The following BEST3 variants were observed in gnomAD, a reference collection of about 807,000 sequenced individuals.
BEST3 encodes the protein bestrophin 3, also known as bestrophin-3.
In BEST3, 50 loss-of-function variants were observed where a neutral mutation model predicts 47.1. The ratio of observed to expected loss-of-function variants is 1.06; its 90% CI spans 0.85 to 1.34. The LOEUF (loss-of-function observed/expected upper bound fraction) is 1.34, where lower values mean the gene tolerates loss of function less well. Ranked by LOEUF, BEST3 falls within the 40% of genes most tolerant of loss-of-function variation. BEST3 has a pLI of 0.00. For synonymous variants in BEST3, 282 were observed against 298.8 expected (o/e 0.94, Z 0.58); for missense variants, 765 against 817.0 (o/e 0.94, Z 0.78).
rs1009357030 is a variant in BEST3, at chr12:69,676,944, T to C, written c.839A>G (p.Gln280Arg). The change falls in exon 7 of 10, where the codon CAA becomes CGA. Residue 280 changes from glutamine to arginine, a missense_variant. Physicochemically the swap from Gln to Arg is conservative, Grantham distance 43. Coordinates refer to ENST00000330891, the MANE Select transcript of BEST3 (RefSeq NM_032735.3). ...DLYIPIFTLL[Q>R]FFFYAGWLKV... ...AAGCCATCCTGCATAGAAGAAGAAT[T>C]GTAGGAGGGTGAAGATGGGAATGTA... is the stretch of plus-strand genomic sequence containing the variant. 5 of 1,613,794 alleles carry C rather than the reference T, an allele frequency of 3.1e-6. No homozygotes were observed. The highest frequency in any genetic ancestry group is 4.2e-6 in the Non-Finnish European group (5 of 1,179,892).
intron 4 of BEST3, among the ~76,000 whole-genome samples, chr12:69,686,779 C>CAAAAA (rs71094728): frequency 3.0e-5 from 3 of 99,382 alleles, no homozygotes; most frequent in African/African-American, 1.5e-4. Flanking sequence ...CTCAAAAAAA[C>CAAAAA]AAAAAAAAAA....
rs1169316542 is a variant in BEST3, at chr12:69,670,354, C to A, written c.1100+1074G>T. On this transcript the variant is annotated intron_variant, in intron 9 of 9. Transcript: ENST00000330891. ...AGCAAATCTAGCCTGGAGTAGGCAA[C>A]CTTCTCTAAGATGTGCTTTGCGGGC... The A allele has an allele frequency of 6.0e-6, 4 of 665,268 alleles. No individual in the cohort carries two copies. The African/African-American group carries it at 7.1e-5, about 12-fold the overall frequency. The allele number at this position is 665,268 out of a possible 1,614,324, so 41.2% of individuals were successfully genotyped here. A position where few individuals can be genotyped will look rare whatever the true frequency, so the allele number is the denominator to read the frequency against.
downstream of BEST3, among the ~76,000 whole-genome samples, chr12:69,652,423 A>G (rs964305680): frequency 6.6e-6 from 1 of 152,146 alleles, no homozygotes; most frequent in East Asian, 1.9e-4. Flanking sequence ...TTGAGTAAAA[A>G]CTCATTTTAG....
rs1210020896 is a variant in BEST3, at chr12:69,653,969, C to T, written c.*938G>A. The T allele has an allele frequency of 1.0e-6, 1 of 985,324 alleles. No homozygotes were observed. The highest frequency in any genetic ancestry group is 1.2e-6 in the Non-Finnish European group (1 of 829,940). 61.0% of individuals were successfully genotyped at this position (985,324 alleles called of 1,614,324 possible). On this transcript the variant is annotated 3_prime_UTR_variant, in exon 10 of 10. Transcript: ENST00000330891. The stretch of plus-strand genomic sequence containing the variant: ...CTATGCAAATTTCATATTCTCTTGG[C>T]TTCGTTTTTCTCCAGTGCCCAACAC...
intron 4 of BEST3, among the ~76,000 whole-genome samples, chr12:69,686,779 C>CAAAAAAAACAAAAACA (rs1885625882): frequency 1.0e-5 from 1 of 99,382 alleles, no homozygotes; most frequent in African/African-American, 4.9e-5. Context: ...CTCAAAAAAA[C>CAAAAAAAACAAAAACA]AAAAAAAAAA....
At chr12:69,682,361 C>G (rs1187696748) in intron 4 of BEST3, among the ~76,000 whole-genome samples, 1 of 152,118 alleles carries the variant, frequency 6.6e-6, no homozygotes, top group African/African-American at 2.4e-5. Context: ...TATTTACCAA[C>G]AGGAGACTAG....
At chr12:69,676,806 T>C in intron 7 of BEST3, 110 bp downstream of exon 7, 1 of 1,200,674 alleles carries the variant, frequency 8.3e-7, no homozygotes, top group Non-Finnish European at 1.2e-6. Context: ...ACATGTTAAA[T>C]CTACCTTTGA....
chr12:69,658,807 G>A (rs1883677699), intron 9 of BEST3, among the ~76,000 whole-genome samples: 1 of 152,202 alleles, frequency 6.6e-6, no homozygotes, highest in Non-Finnish European at 1.5e-5. Flanking sequence ...TTGAATCTGT[G>A]TGAAACACAC....
chr12:69,685,886 C>T (rs372564667), intron 4 of BEST3, among the ~76,000 whole-genome samples: 10 of 152,128 alleles, frequency 6.6e-5, no homozygotes, highest in Admixed American at 1.3e-4. Flanking sequence ...ACTGACCAAC[C>T]GACACTGCCT....
At chr12:69,666,893 G>C (rs144975924) in intron 9 of BEST3, among the ~76,000 whole-genome samples, 1 of 152,054 alleles carries the variant, frequency 6.6e-6, no homozygotes, top group African/African-American at 2.4e-5. Context: ...TGTCCCTTCT[G>C]TCACCTCTAC....
intron 7 of BEST3, 65 bp from the exon 8 acceptor site, chr12:69,673,030 G>C: frequency 3.2e-6 from 4 of 1,253,002 alleles, no homozygotes; most frequent in Non-Finnish European, 4.6e-6. Context: ...AGAGACTGAA[G>C]ATGATTCCTG....
chr12:69,689,866 C>G (rs1296975116), intron 4 of BEST3, among the ~76,000 whole-genome samples: 2 of 152,314 alleles, frequency 1.3e-5, no homozygotes, highest in East Asian at 1.9e-4. Context: ...GCTGAAACCT[C>G]GAATCCATCC....
intron 7 of BEST3, 61 bp downstream of exon 7, chr12:69,676,855 T>C: frequency 1.3e-6 from 2 of 1,522,098 alleles, no homozygotes; most frequent in Non-Finnish European, 1.8e-6. Context: ...CAGTAAAGGA[T>C]TAGTGTGGAG....
chr12:69,673,886 A>G (rs898876345), intron 7 of BEST3, among the ~76,000 whole-genome samples: 1 of 152,174 alleles, frequency 6.6e-6, no homozygotes, highest in African/African-American at 2.4e-5. Context: ...TGCCGGGAAA[A>G]TGTTAGGTAG....
At chr12:69,695,606 A>G (rs1299212807) in intron 2 of BEST3, among the ~76,000 whole-genome samples, 1 of 152,200 alleles carries the variant, frequency 6.6e-6, no homozygotes, top group East Asian at 1.9e-4. Context: ...CTGATGTTCA[A>G]ATAGACATGG....
exon 10 of BEST3, chr12:69,643,682 G>C: frequency 1.5e-6 from 1 of 681,004 alleles, no homozygotes; most frequent in Non-Finnish European, 2.7e-6. Context: ...AGATTCGAGT[G>C]TTGTACCTTT....
chr12:69,689,535 T>A (rs978454306), intron 4 of BEST3, among the ~76,000 whole-genome samples: 4 of 152,256 alleles, frequency 2.6e-5, no homozygotes, highest in Admixed American at 2.6e-4. Context: ...AGAAGCACAA[T>A]ATATTCCTGT....
chr12:69,655,249 C>T lies in BEST3; in HGVS notation c.1665G>A (p.Lys555=). The T allele has an allele frequency of 3.7e-6, 6 of 1,614,158 alleles. No homozygotes were observed. The highest frequency in any genetic ancestry group is 2.2e-5 in the East Asian group (1 of 44,878). The change falls in exon 10 of 10, where the codon AAG becomes AAA. Residue 555 remains lysine (K), a synonymous_variant. Transcript: ENST00000330891. ...PMGSILSPSE[K]ETPPGGPSPQ... is the part of the protein sequence containing the mutation. Reference sequence around the variant, plus strand: ...GACTGGGGCCTCCAGGAGGTGTCTCCTTCTCTGAGGGAGACAGGATGGATC... The same window carrying T: ...GACTGGGGCCTCCAGGAGGTGTCTCTTTCTCTGAGGGAGACAGGATGGATC...
chr12:69,669,000 G>C (rs191557815), intron 9 of BEST3, among the ~76,000 whole-genome samples: 232 of 152,210 alleles, frequency 1.5e-3, no homozygotes, highest in African/African-American at 5.1e-3. Flanking sequence ...AGAGGGATGG[G>C]GCAACAGTGA....
Sources: gnomAD v4.1 joint callset for allele counts (sites outside exome capture counted in the v4.1 genomes callset) on GRCh38, gnomAD v4.1.1 for gene constraint, MANE v1.5 for transcripts, NCBI Gene and HGNC (gene_info 2026-07-23, HGNC 2026-07-21) for gene names.